Variants in KCNAB2 observed in about 807,000 individuals in gnomAD.
KCNAB2 encodes the protein potassium voltage-gated channel subfamily A regulatory beta subunit 2, also known as voltage-gated potassium channel subunit beta-2.
A neutral mutation model predicts 63.6 loss-of-function variants in KCNAB2; 29 were observed. That is an observed-to-expected ratio of 0.46 (90% CI 0.34 to 0.62). The LOEUF is 0.62. KCNAB2 is among the 20% of genes least tolerant of loss of function. KCNAB2 has a pLI of 0.01. For missense variants in KCNAB2, 359 were observed against 563.9 expected (o/e 0.64, Z 3.68); for synonymous variants, 222 against 224.2 (o/e 0.99, Z 0.09).
intron 1 of KCNAB2, among the ~76,000 whole-genome samples, chr1:6,005,783 C>T (rs1657634053): frequency 2.6e-5 from 4 of 151,892 alleles, no homozygotes; most frequent in Admixed American, 2.0e-4. Context: ...GGTCTCCCTG[C>T]CCAGGATGCC....
At chr1:6,081,892 AGGTGCTAAGC>A (rs1664243050) in intron 4 of KCNAB2, among the ~76,000 whole-genome samples, 1 of 152,242 alleles carries the variant, frequency 6.6e-6, no homozygotes, top group South Asian at 2.1e-4. Context: ...GACCCAGTAC[AGGTGCTAAGC>A]CCTGTGATGA....
At position 6,078,472 on chromosome 1, in the gene KCNAB2, T is replaced by C. The variant is rs1663887068; in HGVS notation, c.301-3723T>C. 1.3e-5 allele frequency among the ~76,000 whole-genome samples: 2 copies of C among 151,702 alleles called. No individual in the cohort carries two copies. The highest frequency in any genetic ancestry group is 4.9e-5 in the African/African-American group (2 of 41,232). On this transcript the variant is annotated intron_variant, in intron 4 of 15. Transcript: ENST00000378083. The surrounding 1 kb of genome is among the most constrained non-coding windows in gnomAD (Gnocchi z 4.2). ...GGCGGGGGTCCTGACGACAGGGTGG[T>C]CAGGAAGCAGAAGCGAGCAAGGACG... is the stretch of plus-strand genomic sequence containing the variant.
chr1:6,050,519 C>T (rs1661294965), intron 1 of KCNAB2, among the ~76,000 whole-genome samples: 3 of 152,214 alleles, frequency 2.0e-5, no homozygotes. Context: ...CCAGTGGTTG[C>T]GTTCTGGACA....
intron 10 of KCNAB2, among the ~76,000 whole-genome samples, chr1:6,092,294 TC>T (rs967118835): frequency 6.6e-6 from 1 of 152,196 alleles, no homozygotes; most frequent in Non-Finnish European, 1.5e-5. Flanking sequence ...TCTGCCCAGA[TC>T]CTCCAGGGAG....
chr1:6,054,895 G>A (rs958175979), intron 2 of KCNAB2, among the ~76,000 whole-genome samples: 27 of 152,192 alleles, frequency 1.8e-4, no homozygotes, highest in Non-Finnish European at 3.7e-4. Flanking sequence ...AAAAGGGGGC[G>A]CCATGCAAAG....
chr1:6,024,774 A>T lies in KCNAB2; in HGVS notation c.-52-15743A>T, dbSNP rs149262594. Reference sequence around the variant, plus strand: ...CAGCAGAGGTCACCTGTCCAGAGCCAGAGTTCCATGGGGGGCTCCAGGGCA... The same window carrying T: ...CAGCAGAGGTCACCTGTCCAGAGCCTGAGTTCCATGGGGGGCTCCAGGGCA... On this transcript the variant is annotated intron_variant, in intron 1 of 16. Coordinates refer to the KCNAB2 transcript ENST00000341524. The surrounding 1 kb of genome is among the most constrained non-coding windows in gnomAD (Gnocchi z 5.4). 6.6e-6 allele frequency among the ~76,000 whole-genome samples: 1 copy of T among 152,282 alleles called. No homozygotes were observed. The highest frequency in any genetic ancestry group is 2.4e-5 in the African/African-American group (1 of 41,552).
At chr1:6,050,090 C>G (rs765162357) in intron 1 of KCNAB2, among the ~76,000 whole-genome samples, 7 of 152,352 alleles carry the variant, frequency 4.6e-5, no homozygotes, top group South Asian at 2.1e-4. Context: ...CATCTCAACC[C>G]CCTTCAAGGA....
At chr1:6,089,946 C>T (rs1049488348) in intron 8 of KCNAB2, among the ~76,000 whole-genome samples, 1 of 152,242 alleles carries the variant, frequency 6.6e-6, no homozygotes, top group Non-Finnish European at 1.5e-5. Flanking sequence ...AAGTGATGCG[C>T]CCGCCTTGGC....
chr1:6,006,692 CCACATCCCCCACTTCACCCTCACT>C, intron 1 of KCNAB2, among the ~76,000 whole-genome samples: 1 of 82,926 alleles, frequency 1.2e-5, no homozygotes, highest in Non-Finnish European at 2.7e-5. Context: ...AGCTCAGCTC[CCACATCCCCCACTTCACCCTCACT>C]CCTCAGCTCA....
intron 10 of KCNAB2, among the ~76,000 whole-genome samples, chr1:6,092,942 C>T (rs545825217): frequency 2.6e-5 from 4 of 152,374 alleles, no homozygotes; most frequent in African/African-American, 9.6e-5. Context: ...ACCCCAGTGG[C>T]CTCAGCTCTA....
upstream of KCNAB2, among the ~76,000 whole-genome samples, chr1:6,029,321 AGTGGAAAAGACAGAGAAGCCTCCTG>A (rs1275539429): frequency 5.9e-5 from 9 of 151,820 alleles, no homozygotes; most frequent in Admixed American, 5.2e-4. Context: ...TTTCTGGGAA[AGTGGAAAAGACAGAGAAGCCTCCTG>A]ACAGCCAAGG....
chr1:6,043,752 G>A (rs1334207914), upstream of KCNAB2, among the ~76,000 whole-genome samples: 1 of 152,238 alleles, frequency 6.6e-6, no homozygotes, highest in African/African-American at 2.4e-5. Flanking sequence ...GGCGTTCAAG[G>A]CATGTGCCCT....
intron 1 of KCNAB2, among the ~76,000 whole-genome samples, chr1:6,047,780 G>T (rs751285051): frequency 1.3e-5 from 2 of 152,314 alleles, no homozygotes; most frequent in African/African-American, 2.4e-5. Context: ...AACCTTCAGG[G>T]GAGTCCAGCG....
upstream of KCNAB2, among the ~76,000 whole-genome samples, chr1:6,042,699 G>A (rs561645336): frequency 6.6e-6 from 1 of 152,344 alleles, no homozygotes; most frequent in African/African-American, 2.4e-5. Flanking sequence ...CTGCATCTTG[G>A]CGGTCAGGCC....
At chr1:6,081,984 T>C (rs1664248378) in intron 4 of KCNAB2, among the ~76,000 whole-genome samples, 1 of 152,092 alleles carries the variant, frequency 6.6e-6, no homozygotes, top group African/African-American at 2.4e-5. Context: ...TTTTGCCTTC[T>C]TTATTCTTCT....
intron 4 of KCNAB2, among the ~76,000 whole-genome samples, chr1:6,079,216 C>A (rs570877456): frequency 7.9e-5 from 12 of 152,092 alleles, no homozygotes; most frequent in South Asian, 2.1e-4. Context: ...CCCACTCTCT[C>A]CTTGCCTGCC....
At position 6,014,707 on chromosome 1, in the gene KCNAB2, A is replaced by G. The variant is rs572512722; in HGVS notation, c.-53+21919A>G. ...GAGAAGTCACAGTTACCAGCAGGGAAGGTAGCACTGAGGGGACACACAGGG... is the reference window on the plus strand; with the variant it reads ...GAGAAGTCACAGTTACCAGCAGGGAGGGTAGCACTGAGGGGACACACAGGG... On this transcript the variant is annotated intron_variant, in intron 1 of 16. Transcript: ENST00000341524. 2.0e-5 allele frequency among the ~76,000 whole-genome samples: 3 copies of G among 152,332 alleles called. No homozygotes were observed. The East Asian group carries it at 5.8e-4, about 29-fold the overall frequency.
intron 2 of KCNAB2, among the ~76,000 whole-genome samples, chr1:6,057,367 T>C (rs978645442): frequency 6.6e-6 from 1 of 152,114 alleles, no homozygotes; most frequent in Non-Finnish European, 1.5e-5. Flanking sequence ...CAGTTAACCA[T>C]AGGCCATCAC....
chr1:6,065,997 G>A (rs1662715305), intron 2 of KCNAB2, among the ~76,000 whole-genome samples: 1 of 152,200 alleles, frequency 6.6e-6, no homozygotes, highest in Admixed American at 6.5e-5. Flanking sequence ...AGAGTTTCTT[G>A]GGGACAGATG....
Sources: allele counts gnomAD v4.1 joint callset (sites outside exome capture counted in the v4.1 genomes callset), GRCh38; gene constraint gnomAD v4.1.1; non-coding constraint Gnocchi (gnomAD v3.1); transcripts MANE v1.5; gene names NCBI Gene and HGNC (gene_info 2026-07-23, HGNC 2026-07-21).